CUX2: variants seen among roughly 807,000 people sequenced by gnomAD.
CUX2 encodes the protein homeobox protein cut-like 2.
CUX2 carries 40 observed loss-of-function variants against 144.8 expected under a neutral mutation model. That is an observed-to-expected ratio of 0.28 (90% CI 0.21 to 0.36). CUX2 has a LOEUF of 0.36. Ranked by LOEUF, CUX2 falls within the 10% of genes least tolerant of loss-of-function variation. The pLI is 1.00. For missense variants in CUX2, 1,615 were observed against 1,994.0 expected, an observed-to-expected ratio of 0.81 and a Z score of 3.62; for synonymous variants, 827 against 875.6, an observed-to-expected ratio of 0.94 and a Z score of 0.98.
chr12:111,142,585 C>T (rs1239181462), intron 1 of CUX2, among the ~76,000 whole-genome samples: 1 of 149,790 alleles, frequency 6.7e-6, no homozygotes, highest in East Asian at 2.0e-4. Flanking sequence ...TGGAGATTGT[C>T]TCCATTAGGG....
chr12:111,322,392 G>T lies in CUX2; in HGVS notation c.2767-29G>T. The T allele has an allele frequency of 6.5e-7, 1 of 1,529,454 alleles. No homozygotes were observed. The highest frequency in any genetic ancestry group is 1.2e-5 in the South Asian group (1 of 83,338). 94.7% of individuals were successfully genotyped at this position (1,529,454 alleles called of 1,614,324 possible). ...CAGGCCCATGTCCCAGGGGCCTGCT[G>T]ACCTACCCCCCTGGCCCGCCCCTCG... On this transcript the variant is annotated intron_variant, in intron 17 of 21. Transcript: ENST00000261726. This position sits in a 1 kb window ranked among gnomAD's most constrained non-coding sequence, Gnocchi z 4.2.
rs544413113 is a variant in CUX2, at chr12:111,059,381, G to T, written c.63+25141G>T. ...ATATCGCCCAAATGTTCTTGATAAG[G>T]CTAGGTGCCCCTGGCCCCAGCGAGG... On this transcript the variant is annotated intron_variant, in intron 1 of 21. Coordinates refer to ENST00000261726, the MANE Select transcript of CUX2 (RefSeq NM_015267.4). This position sits in a 1 kb window ranked among gnomAD's most constrained non-coding sequence, Gnocchi z 5.3. Among the ~76,000 whole-genome samples the T allele has an allele frequency of 7.9e-5, 12 of 152,366 alleles. No individual in the cohort carries two copies. In the East Asian group the frequency reaches 1.5e-3, roughly 20 times the overall value.
intron 1 of CUX2, among the ~76,000 whole-genome samples, chr12:111,203,766 T>C (rs578114759): frequency 4.6e-4 from 70 of 151,710 alleles, no homozygotes; most frequent in African/African-American, 1.7e-3. Context: ...GAAGGGGCTG[T>C]AGGAGGGTGA....
At chr12:111,222,366 G>A (rs188548625) in intron 3 of CUX2, among the ~76,000 whole-genome samples, 34 of 152,268 alleles carry the variant, frequency 2.2e-4, no homozygotes, top group African/African-American at 7.7e-4. Flanking sequence ...TTTCTGAAGC[G>A]CGTGTGCACT....
chr12:111,062,963 A>G (rs921870458), intron 1 of CUX2, among the ~76,000 whole-genome samples: 1 of 152,172 alleles, frequency 6.6e-6, no homozygotes. Context: ...GGGACAGGGC[A>G]GGGTCCCATG....
intron 1 of CUX2, among the ~76,000 whole-genome samples, chr12:111,075,627 T>C (rs1479684225): frequency 6.6e-6 from 1 of 152,158 alleles, no homozygotes; most frequent in Non-Finnish European, 1.5e-5. Context: ...TTGACAAATA[T>C]ATTTGTGTGT....
chr12:111,045,678 G>A (rs1382622039), intron 1 of CUX2, among the ~76,000 whole-genome samples: 3 of 152,192 alleles, frequency 2.0e-5, no homozygotes, highest in African/African-American at 7.2e-5. Context: ...CACCTGCAAT[G>A]ATGGGCGCTG....
At chr12:111,046,096 TAA>T (rs953056609) in intron 1 of CUX2, among the ~76,000 whole-genome samples, 1 of 152,178 alleles carries the variant, frequency 6.6e-6, no homozygotes, top group Admixed American at 6.5e-5. Context: ...CCACACCCTG[TAA>T]GGACAGGAAT....
rs139792804 is a variant in CUX2, at chr12:111,183,822, C to A, written c.64-30378C>A. 9.9e-3 allele frequency among the ~76,000 whole-genome samples: 1,500 copies of A among 152,236 alleles called. 28 individuals are homozygous for A. The highest frequency in any genetic ancestry group is 0.034 in the African/African-American group (1,431 of 41,520). ...ATTTGGGGAGTCCCACCACCCCCTGCAGATATTTGTGACTAACAAGCTTAT... is the reference window on the plus strand; with the variant it reads ...ATTTGGGGAGTCCCACCACCCCCTGAAGATATTTGTGACTAACAAGCTTAT... On this transcript the variant is annotated intron_variant, in intron 1 of 21. Coordinates refer to ENST00000261726, the MANE Select transcript of CUX2 (RefSeq NM_015267.4).
intron 3 of CUX2, among the ~76,000 whole-genome samples, chr12:111,231,714 C>T (rs1882470097): frequency 6.6e-6 from 1 of 152,114 alleles, no homozygotes; most frequent in African/African-American, 2.4e-5. Context: ...AATAGTACAA[C>T]AATTAAAAAT....
chr12:111,303,985 C>A (rs1475761152), intron 9 of CUX2, among the ~76,000 whole-genome samples: 2 of 152,172 alleles, frequency 1.3e-5, no homozygotes, highest in Admixed American at 1.3e-4. Context: ...TTCTTCCTGT[C>A]CTCTCAGCTC....
intron 1 of CUX2, among the ~76,000 whole-genome samples, chr12:111,038,662 A>G (rs951119014): frequency 2.0e-5 from 3 of 152,210 alleles, no homozygotes; most frequent in Non-Finnish European, 4.4e-5. Flanking sequence ...GGGTCTCCCA[A>G]AATTGTAGTT....
chr12:111,166,855 C>T lies in CUX2; in HGVS notation c.64-47345C>T, dbSNP rs141473125. ...CCAACTTTCTGGGACGCGTGCCGGC[C>T]GCATTCTGATTGGCGAGGGGATGTC... On this transcript the variant is annotated intron_variant, in intron 1 of 21. Coordinates refer to ENST00000261726, the MANE Select transcript of CUX2 (RefSeq NM_015267.4). Among the ~76,000 whole-genome samples, 200 of 152,202 alleles carry T rather than the reference C, an allele frequency of 1.3e-3. 6 individuals carry two copies. In the East Asian group the frequency reaches 0.038, roughly 29 times the overall value.
chr12:111,065,441 T>G (rs182072800), intron 1 of CUX2, among the ~76,000 whole-genome samples: 39 of 152,346 alleles, frequency 2.6e-4, no homozygotes, highest in African/African-American at 9.4e-4. Flanking sequence ...GTTCAAGCAA[T>G]TCTCCTGTCT....
intron 1 of CUX2, among the ~76,000 whole-genome samples, chr12:111,182,848 AG>A (rs908991640): frequency 1.3e-5 from 2 of 152,174 alleles, no homozygotes; most frequent in Non-Finnish European, 2.9e-5. Context: ...AGGACATTCC[AG>A]GGGAGCCAAT....
At chr12:111,169,855 G>T (rs1252903732) in intron 1 of CUX2, among the ~76,000 whole-genome samples, 1 of 152,184 alleles carries the variant, frequency 6.6e-6, no homozygotes, top group Non-Finnish European at 1.5e-5. Flanking sequence ...TGGTTCTGCT[G>T]GGGTGGCTGG....
chr12:111,236,343 C>T (rs1324165645), intron 3 of CUX2, among the ~76,000 whole-genome samples: 1 of 152,172 alleles, frequency 6.6e-6, no homozygotes, highest in Non-Finnish European at 1.5e-5. Context: ...ATATATCAGG[C>T]TCTCTGCTAA....
intron 1 of CUX2, among the ~76,000 whole-genome samples, chr12:111,129,071 C>A (rs1185128487): frequency 6.6e-6 from 1 of 152,236 alleles, no homozygotes; most frequent in Non-Finnish European, 1.5e-5. Flanking sequence ...CTAGATGCAA[C>A]TTCTTCCCTT....
chr12:111,338,270 C>G lies in CUX2; in HGVS notation c.3197-16C>G. On this transcript the variant is annotated splice_polypyrimidine_tract_variant and intron_variant, in intron 19 of 21. Transcript: ENST00000261726. ...CCAGCCTCGGGTAACAGATTGCTCC[C>G]CTCCCCTATCCCCAGGGCAGCGGCT... is the stretch of plus-strand genomic sequence containing the variant. 6.3e-7 allele frequency: 1 copy of G among 1,588,998 alleles called. No individual in the cohort carries two copies. The highest frequency in any genetic ancestry group is 8.6e-7 in the Non-Finnish European group (1 of 1,165,918).
Sources: allele counts gnomAD v4.1 joint callset (sites outside exome capture counted in the v4.1 genomes callset), GRCh38; gene constraint gnomAD v4.1.1; non-coding constraint Gnocchi (gnomAD v3.1); transcripts MANE v1.5; gene names NCBI Gene and HGNC (gene_info 2026-07-23, HGNC 2026-07-21).